MAD1L1: variants seen among roughly 807,000 people sequenced by gnomAD.
The protein encoded by MAD1L1 is mitotic spindle assembly checkpoint protein MAD1.
In MAD1L1, 95 loss-of-function variants were observed where a neutral mutation model predicts 96.9. The ratio of observed to expected loss-of-function variants is 0.98; its 90% CI spans 0.83 to 1.16. MAD1L1 has a LOEUF of 1.16. Ranked by LOEUF, MAD1L1 falls within the 50% of genes most tolerant of loss-of-function variation. The probability of loss-of-function intolerance (pLI) is 0.00; values close to 1 mark genes in which losing one functional copy is unlikely to be tolerated. For synonymous variants in MAD1L1, 473 were observed against 396.6 expected (o/e 1.19, Z -2.29); for missense variants, 1,007 against 954.4 (o/e 1.06, Z -0.73).
intron 11 of MAD1L1, among the ~76,000 whole-genome samples, chr7:2,101,461 T>G (rs56043729): frequency 1.5e-4 from 5 of 34,366 alleles, no homozygotes; most frequent in Non-Finnish European, 2.7e-4. Context: ...GTGGGTGGCA[T>G]GAGACTGGGG....
intron 13 of MAD1L1, among the ~76,000 whole-genome samples, chr7:2,009,326 C>T (rs1008693268): frequency 1.3e-5 from 2 of 152,178 alleles, no homozygotes; most frequent in Non-Finnish European, 2.9e-5. Flanking sequence ...ACAGGACAGC[C>T]GGACTGAGGA....
intron 11 of MAD1L1, among the ~76,000 whole-genome samples, chr7:2,117,776 G>A (rs749219493): frequency 2.5e-4 from 38 of 152,194 alleles, no homozygotes; most frequent in Non-Finnish European, 5.6e-4. Context: ...CTAGCACTGT[G>A]AGAGTGAACT....
intron 18 of MAD1L1, among the ~76,000 whole-genome samples, chr7:1,893,514 CG>C (rs1786679427): frequency 6.6e-6 from 1 of 152,194 alleles, no homozygotes; most frequent in Non-Finnish European, 1.5e-5. Context: ...ACGGGAGCCA[CG>C]TATGCCAGCC....
intron 11 of MAD1L1, among the ~76,000 whole-genome samples, chr7:2,081,714 G>A (rs116020251): frequency 8.1e-4 from 123 of 152,362 alleles, no homozygotes; most frequent in African/African-American, 2.8e-3. Flanking sequence ...GGAGCACAAC[G>A]GCCCAGGCCC....
At chr7:2,007,659 G>A (rs1388512823) in intron 13 of MAD1L1, among the ~76,000 whole-genome samples, 1 of 152,156 alleles carries the variant, frequency 6.6e-6, no homozygotes, top group African/African-American at 2.4e-5. Context: ...GGGCGACTGA[G>A]CGAGACTCTG....
At chr7:2,167,725 A>G (rs1390583876) in intron 10 of MAD1L1, among the ~76,000 whole-genome samples, 2 of 151,066 alleles carry the variant, frequency 1.3e-5, no homozygotes, top group Non-Finnish European at 3.0e-5. Flanking sequence ...ATCTCTTAAA[A>G]AAATTAAAAA....
chr7:1,868,859 T>C (rs1583602185), intron 18 of MAD1L1, among the ~76,000 whole-genome samples: 5 of 152,264 alleles, frequency 3.3e-5, no homozygotes, highest in East Asian at 3.9e-4. Context: ...GTGCAAGCCC[T>C]GGCACACCAA....
intron 18 of MAD1L1, among the ~76,000 whole-genome samples, chr7:1,837,653 A>G: frequency 6.6e-6 from 1 of 152,256 alleles, no homozygotes; most frequent in Non-Finnish European, 1.5e-5. Flanking sequence ...CAAACTAACT[A>G]CGCTTAGTAG....
chr7:1,912,433 A>G lies in MAD1L1; in HGVS notation c.1808-14043T>C, dbSNP rs368376697. On this transcript the variant is annotated intron_variant, in intron 17 of 18. Transcript: ENST00000265854. ...GCGGCAGGTGTGGGCACCAGGAGAG[A>G]TAAGAATGGGTGGCCACTGCAGAGA... Among the ~76,000 whole-genome samples, 24 of 152,286 alleles carry G rather than the reference A, an allele frequency of 1.6e-4. 1 individual carries two copies. The highest frequency in any genetic ancestry group is 5.8e-4 in the African/African-American group (24 of 41,562).
chr7:2,109,448 T>C (rs1787267490), intron 11 of MAD1L1: 1 of 152,188 alleles, frequency 6.6e-6, no homozygotes, highest in South Asian at 2.1e-4. Flanking sequence ...CCCCAAGGAC[T>C]CTGTCATTTC....
At chr7:2,197,621 T>G (rs1012092571) in intron 10 of MAD1L1, among the ~76,000 whole-genome samples, 2 of 152,156 alleles carry the variant, frequency 1.3e-5, no homozygotes, top group African/African-American at 4.8e-5. Context: ...GGTGAGGCAC[T>G]GGCCCTCAGG....
intron 17 of MAD1L1, among the ~76,000 whole-genome samples, chr7:1,915,239 A>G (rs1364731474): frequency 6.6e-6 from 1 of 152,228 alleles, no homozygotes; most frequent in Non-Finnish European, 1.5e-5. Context: ...AGGGAAACAG[A>G]TAAAAAATAA....
At position 2,222,565 on chromosome 7, in the gene MAD1L1, C is replaced by T. The variant is rs1222651821; in HGVS notation, c.471+10G>A. 6.3e-7 allele frequency: 1 copy of T among 1,583,508 alleles called. No homozygotes were observed. The highest frequency in any genetic ancestry group is 1.3e-5 in the African/African-American group (1 of 74,140). Reference sequence around the variant, plus strand: ...AAAACAGCTCCCTGCGCAGCAGAGGCCCCGCTCACCTCGCCAGCCTGGGCC... The same window carrying T: ...AAAACAGCTCCCTGCGCAGCAGAGGTCCCGCTCACCTCGCCAGCCTGGGCC... On this transcript the variant is annotated intron_variant, in intron 5 of 18. Coordinates refer to ENST00000265854, the MANE Select transcript of MAD1L1 (RefSeq NM_001013836.2).
At chr7:2,004,777 C>T (rs1001120933) in intron 13 of MAD1L1, among the ~76,000 whole-genome samples, 3 of 152,252 alleles carry the variant, frequency 2.0e-5, no homozygotes, top group South Asian at 2.1e-4. Flanking sequence ...CATTCACAAG[C>T]GGCTCATCAG....
At chr7:1,866,549 T>C (rs931173274) in intron 18 of MAD1L1, among the ~76,000 whole-genome samples, 5 of 151,756 alleles carry the variant, frequency 3.3e-5, no homozygotes, top group South Asian at 2.1e-4. Context: ...AGGTCTTAAG[T>C]GGGGAAGAGG....
intron 12 of MAD1L1, among the ~76,000 whole-genome samples, chr7:2,017,078 C>G (rs1463072063): frequency 6.6e-6 from 1 of 152,228 alleles, no homozygotes; most frequent in Admixed American, 6.5e-5. Context: ...CTGGCTGGCA[C>G]AGAAGAAAAG....
intron 10 of MAD1L1, among the ~76,000 whole-genome samples, chr7:2,194,800 G>A (rs1374041540): frequency 1.3e-5 from 2 of 152,114 alleles, no homozygotes; most frequent in African/African-American, 4.8e-5. Context: ...TGGGCTGGAC[G>A]CAGTGGCTCA....
At chr7:1,955,915 T>C (rs1779707460) in intron 16 of MAD1L1, among the ~76,000 whole-genome samples, 1 of 149,590 alleles carries the variant, frequency 6.7e-6, no homozygotes, top group Non-Finnish European at 1.5e-5. Context: ...AAACGAACTA[T>C]TTTGCAGAGT....
intron 10 of MAD1L1, among the ~76,000 whole-genome samples, chr7:2,202,450 G>A (rs892574249): frequency 1.1e-4 from 17 of 152,180 alleles, no homozygotes; most frequent in Admixed American, 7.2e-4. Flanking sequence ...AGACGCACAG[G>A]CCTGAGGGAT....
Sources: allele counts gnomAD v4.1 joint callset (sites outside exome capture counted in the v4.1 genomes callset), GRCh38; gene constraint gnomAD v4.1.1; transcripts MANE v1.5; gene names NCBI Gene and HGNC (gene_info 2026-07-23, HGNC 2026-07-21).